MAPK10: variants seen among roughly 807,000 people sequenced by gnomAD.
The protein encoded by MAPK10 is mitogen-activated protein kinase 10.
A neutral mutation model predicts 59.3 loss-of-function variants in MAPK10; 25 were observed. The ratio of observed to expected loss-of-function variants is 0.42; its 90% CI spans 0.31 to 0.59. MAPK10 has a LOEUF of 0.59. Ranked by LOEUF, MAPK10 falls within the 20% of genes least tolerant of loss-of-function variation. MAPK10 has a pLI of 0.15. For synonymous variants in MAPK10, 190 were observed against 200.5 expected (o/e 0.95, Z 0.44); for missense variants, 351 against 568.9 (o/e 0.62, Z 3.90).
intron 11 of MAPK10, 95 bp from the exon 12 acceptor site, chr4:86,031,526 G>C: frequency 3.5e-6 from 3 of 856,168 alleles, no homozygotes; most frequent in Admixed American, 2.0e-5. Context: ...CATTTATTTC[G>C]GTGATTTCAA....
Position 86,287,674 on chromosome 4 carries a change from A to G in MAPK10, c.-7+66856T>C, listed in dbSNP as rs1365635306. On this transcript the variant is annotated intron_variant, in intron 2 of 13. Coordinates refer to ENST00000641462, the MANE Select transcript of MAPK10 (RefSeq NM_138982.4). ...TTACTCCCAATAATCCATAGATTAC[A>G]CACTACTACATAAGTCTATTTAAAT... 2.0e-5 allele frequency among the ~76,000 whole-genome samples: 3 copies of G among 152,336 alleles called. No homozygotes were observed. The East Asian group carries it at 5.8e-4, about 29-fold the overall frequency.
chr4:86,233,293 T>A (rs183950920), intron 2 of MAPK10, among the ~76,000 whole-genome samples: 2 of 152,192 alleles, frequency 1.3e-5, no homozygotes, highest in East Asian at 3.9e-4. Flanking sequence ...ATCTACATAA[T>A]CTAAGTATTC....
chr4:86,478,769 G>C (rs936848728), intron 1 of MAPK10, among the ~76,000 whole-genome samples: 1 of 152,106 alleles, frequency 6.6e-6, no homozygotes, highest in Admixed American at 6.6e-5. Context: ...GATCACACTT[G>C]GTTTATTGAT....
intron 1 of MAPK10, among the ~76,000 whole-genome samples, chr4:86,529,701 C>T (rs189075258): frequency 1.8e-4 from 28 of 152,260 alleles, no homozygotes; most frequent in East Asian, 1.9e-4. Flanking sequence ...ATGGGAACAG[C>T]GATGGGTGGT....
At chr4:86,414,313 A>G (rs1305733247) in intron 1 of MAPK10, among the ~76,000 whole-genome samples, 2 of 152,138 alleles carry the variant, frequency 1.3e-5, no homozygotes, top group Non-Finnish European at 2.9e-5. Flanking sequence ...AATGGAGTAC[A>G]TAACCTCAGC....
intron 1 of MAPK10, among the ~76,000 whole-genome samples, chr4:86,547,720 G>C (rs917736706): frequency 6.6e-6 from 1 of 152,202 alleles, no homozygotes; most frequent in Admixed American, 6.5e-5. Context: ...AGTCTAGTGG[G>C]GATGTGGAGA....
Position 86,169,362 on chromosome 4 carries a change from T to G in MAPK10, c.67-9895A>C, listed in dbSNP as rs1013109006. Among the ~76,000 whole-genome samples, 4 of 152,114 alleles carry G rather than the reference T, an allele frequency of 2.6e-5. No homozygotes were observed. In the East Asian group the frequency reaches 7.7e-4, roughly 29 times the overall value. On this transcript the variant is annotated intron_variant, in intron 3 of 13. Transcript: ENST00000641462. ...AACTAGAATAACCAATACAGAGAAG[T>G]GCTTAAAGGAGTGGATGGAGCTGAA...
intron 2 of MAPK10, among the ~76,000 whole-genome samples, chr4:86,331,617 A>G (rs781481970): frequency 3.9e-5 from 6 of 152,188 alleles, no homozygotes; most frequent in Non-Finnish European, 7.3e-5. Flanking sequence ...TCTCTCTCAA[A>G]GTCAGTCCCA....
At chr4:86,451,125 A>G (rs1261686965) in intron 1 of MAPK10, among the ~76,000 whole-genome samples, 1 of 152,194 alleles carries the variant, frequency 6.6e-6, no homozygotes, top group African/African-American at 2.4e-5. Context: ...CTCAGAGAGA[A>G]GTACAAACCG....
chr4:86,435,952 CAA>C (rs1299279629), intron 1 of MAPK10, among the ~76,000 whole-genome samples: 3 of 152,154 alleles, frequency 2.0e-5, no homozygotes, highest in African/African-American at 2.4e-5. Flanking sequence ...TATCTAACCA[CAA>C]ACTTACTGAT....
chr4:86,201,218 G>A (rs553645150), intron 2 of MAPK10, among the ~76,000 whole-genome samples: 1 of 151,956 alleles, frequency 6.6e-6, no homozygotes, highest in Non-Finnish European at 1.5e-5. Flanking sequence ...TTGTGTATAT[G>A]TATGTACCAC....
intron 1 of MAPK10, chr4:86,371,027 A>G (rs1738679424): frequency 6.6e-6 from 1 of 152,212 alleles, no homozygotes; most frequent in Non-Finnish European, 1.5e-5. Flanking sequence ...AAGCAGTGGA[A>G]TATCTTCAAC....
At chr4:86,470,430 A>G (rs1182362465) in intron 1 of MAPK10, among the ~76,000 whole-genome samples, 2 of 152,158 alleles carry the variant, frequency 1.3e-5, no homozygotes, top group African/African-American at 4.8e-5. Context: ...TTTAACATTT[A>G]TGTCTTCTAG....
Position 86,491,940 on chromosome 4 carries a change from C to G in MAPK10, c.-263+101970G>C, listed in dbSNP as rs1039694123. Among the ~76,000 whole-genome samples, 5 of 152,094 alleles carry G rather than the reference C, an allele frequency of 3.3e-5. No homozygotes were observed. In the East Asian group the frequency reaches 9.6e-4, roughly 29 times the overall value. ...TCCAGTTTCTAACTCAGGTCTCTTC[C>G]TTTCCAGCAAGTATTCTTAACAACA... On this transcript the variant is annotated intron_variant, in intron 1 of 4. Coordinates refer to the MAPK10 transcript ENST00000502302.
Position 86,477,063 on chromosome 4 carries a change from C to T in MAPK10, c.-263+116847G>A, listed in dbSNP as rs1753150530. The stretch of plus-strand genomic sequence containing the variant: ...ATCCTCTCGGCTTAGCAGCTGAAGA[C>T]TGACACTGCCCGATTGCCTCAGAAG... On this transcript the variant is annotated intron_variant, in intron 1 of 4. Coordinates refer to the MAPK10 transcript ENST00000502302. Among the ~76,000 whole-genome samples, 6 of 152,222 alleles carry T rather than the reference C, an allele frequency of 3.9e-5. No homozygotes were observed. The South Asian group carries it at 1.0e-3, about 26-fold the overall frequency.
rs531670298 is a variant in MAPK10, at chr4:86,279,684, A to AG, written c.-7+74845dup. ...TTGCTGCAATGAAGCTGACATTACTAGGGGGGGCTCAACTAACCAAACACT... is the reference window on the plus strand; with the variant it reads ...TTGCTGCAATGAAGCTGACATTACTAGGGGGGGGCTCAACTAACCAAACACT... On this transcript the variant is annotated intron_variant, in intron 2 of 13. Coordinates refer to ENST00000641462, the MANE Select transcript of MAPK10 (RefSeq NM_138982.4). Among the ~76,000 whole-genome samples the AG allele has an allele frequency of 1.6e-4, 24 of 152,086 alleles. No homozygotes were observed. In the East Asian group the frequency reaches 2.3e-3, roughly 15 times the overall value.
intron 2 of MAPK10, chr4:86,340,202 T>C (rs969841407): frequency 2.5e-4 from 38 of 152,238 alleles, no homozygotes; most frequent in African/African-American, 8.7e-4. Context: ...GTTTTCAATA[T>C]ACAAAGGAGA....
chr4:86,574,466 C>T (rs1466506340), intron 1 of MAPK10, among the ~76,000 whole-genome samples: 2 of 151,586 alleles, frequency 1.3e-5, no homozygotes, highest in Non-Finnish European at 1.5e-5. Flanking sequence ...TTCTAGATCC[C>T]TGAGGAGTCG....
chr4:86,066,026 T>A (rs1025166553), intron 10 of MAPK10, among the ~76,000 whole-genome samples: 1 of 152,194 alleles, frequency 6.6e-6, no homozygotes, highest in Non-Finnish European at 1.5e-5. Flanking sequence ...GTGCCGTTCA[T>A]GTATTTTTCA....
Sources: allele counts gnomAD v4.1 joint callset (sites outside exome capture counted in the v4.1 genomes callset), GRCh38; gene constraint gnomAD v4.1.1; transcripts MANE v1.5; gene names NCBI Gene and HGNC (gene_info 2026-07-23, HGNC 2026-07-21).